The following PCLO variants were observed in gnomAD, a reference collection of about 807,000 sequenced individuals.
The protein encoded by PCLO is protein piccolo.
In PCLO, 82 loss-of-function variants were observed where a neutral mutation model predicts 427.5. That is an observed-to-expected ratio of 0.19 (90% CI 0.16 to 0.23). The LOEUF (loss-of-function observed/expected upper bound fraction) is 0.23. Among genes scored for constraint, PCLO ranks in the 10% least tolerant of loss-of-function variants. PCLO has a pLI of 1.00. For synonymous variants in PCLO, 2,357 were observed against 2,155.4 expected, an observed-to-expected ratio of 1.09 and a Z score of -2.59; for missense variants, 6,239 against 6,115.9, an observed-to-expected ratio of 1.02 and a Z score of -0.67.
At chr7:83,152,260 G>A (rs1221195026) in intron 2 of PCLO, among the ~76,000 whole-genome samples, 3 of 152,016 alleles carry the variant, frequency 2.0e-5, no homozygotes, top group African/African-American at 4.8e-5. Context: ...CACCACGCCC[G>A]GCCCAAAGTT....
chr7:82,766,298 T>C (rs893053682), intron 22 of PCLO, among the ~76,000 whole-genome samples: 1 of 152,106 alleles, frequency 6.6e-6, no homozygotes, highest in Admixed American at 6.6e-5. Context: ...AGGGGAAATA[T>C]GTAAAGCTTA....
chr7:82,866,746 G>A (rs1793104691), intron 10 of PCLO, among the ~76,000 whole-genome samples: 1 of 151,394 alleles, frequency 6.6e-6, no homozygotes, highest in African/African-American at 2.4e-5. Flanking sequence ...CTGCATTCTT[G>A]TAGGCTATTG....
At chr7:83,141,827 A>C (rs1231226551) in intron 2 of PCLO, among the ~76,000 whole-genome samples, 3 of 152,206 alleles carry the variant, frequency 2.0e-5, no homozygotes. Flanking sequence ...TGCCCTTTTC[A>C]AAATAAAGTA....
At chr7:82,891,749 C>A (rs1221166398) in intron 9 of PCLO, among the ~76,000 whole-genome samples, 2 of 151,962 alleles carry the variant, frequency 1.3e-5, no homozygotes, top group Admixed American at 1.3e-4. Flanking sequence ...TCATGAAGCG[C>A]TGTTGAATTT....
chr7:82,815,908 G>A (rs1054837197), intron 20 of PCLO, among the ~76,000 whole-genome samples: 5 of 151,984 alleles, frequency 3.3e-5, no homozygotes, highest in African/African-American at 1.2e-4. Context: ...ATAAAATGAT[G>A]GTTAGATCTA....
At position 83,096,921 on chromosome 7, in the gene PCLO, A is replaced by T. The variant is rs1323939124; in HGVS notation, c.3300+37329T>A. On this transcript the variant is annotated intron_variant, in intron 3 of 24. Coordinates refer to ENST00000333891, the MANE Select transcript of PCLO (RefSeq NM_033026.6). ...TTAATATTATATTATCTAAATATAT[A>T]TAATATAATATAATATATTATATAT... is the stretch of plus-strand genomic sequence containing the variant. 4.1e-3 allele frequency among the ~76,000 whole-genome samples: 244 copies of T among 59,666 alleles called. 20 individuals are homozygous for T. Among genetic ancestry groups the T allele is most frequent in the Non-Finnish European group, 5.0e-3 (180 of 36,156 alleles). 39.1% of individuals were successfully genotyped at this position (59,666 alleles called of 152,430 possible).
intron 16 of PCLO, among the ~76,000 whole-genome samples, chr7:82,830,571 C>T (rs1045239906): frequency 6.6e-6 from 1 of 151,870 alleles, no homozygotes; most frequent in African/African-American, 2.4e-5. Flanking sequence ...GAAACAAACA[C>T]ATGGTAGTAT....
chr7:83,136,347 G>T (rs1197350509), intron 2 of PCLO, among the ~76,000 whole-genome samples: 1 of 151,780 alleles, frequency 6.6e-6, no homozygotes, highest in Non-Finnish European at 1.5e-5. Context: ...ATTATACATG[G>T]TTTTCTGTTT....
At chr7:82,812,570 GA>G (rs1278511885) in intron 20 of PCLO, among the ~76,000 whole-genome samples, 2 of 151,364 alleles carry the variant, frequency 1.3e-5, no homozygotes, top group East Asian at 3.9e-4. Context: ...TGAAAATTAA[GA>G]AAGTAAATTC....
At position 82,951,376 on chromosome 7, in the gene PCLO, G is replaced by A; in HGVS notation, c.9212C>T (p.Pro3071Leu). The A allele has an allele frequency of 3.7e-6, 6 of 1,604,732 alleles. No homozygotes were observed. The highest frequency in any genetic ancestry group is 5.1e-6 in the Non-Finnish European group (6 of 1,175,174). Residue 3071 changes from proline (P) to leucine (L), a missense_variant, in exon 6 of 25, where the codon CCA (proline) becomes CTA (leucine). By Grantham distance (98) the Pro-to-Leu change is moderately conservative. This residue lies in a region of PCLO where 4,677 missense variants were observed against 4,468.4 expected (regional missense o/e 1.05). Transcript: ENST00000333891. ...CCCCACACAATACTGGGGTCCTGGT[G>A]GTGGTGTCATTCTTGCTGTGGAATA... The part of the protein sequence containing the change: ...PQYSTARMTP[P>L]PGPQYCVGSV...
At chr7:82,771,334 T>G (rs547450847) in intron 22 of PCLO, among the ~76,000 whole-genome samples, 53 of 152,008 alleles carry the variant, frequency 3.5e-4, no homozygotes, top group Non-Finnish European at 6.9e-4. Context: ...ATAGAATTTG[T>G]TAAGTTCTTT....
chr7:82,784,635 G>C (rs1583971476), intron 22 of PCLO, among the ~76,000 whole-genome samples: 1 of 152,076 alleles, frequency 6.6e-6, no homozygotes, highest in Middle Eastern at 3.4e-3. Flanking sequence ...CCAACCAAAG[G>C]CAACCAGTCT....
intron 3 of PCLO, among the ~76,000 whole-genome samples, chr7:83,040,489 A>T (rs1788946870): frequency 6.6e-6 from 1 of 152,102 alleles, no homozygotes; most frequent in Admixed American, 6.6e-5. Context: ...AGGCTAATCT[A>T]TTCGAATTTG....
At position 82,953,196 on chromosome 7, in the gene PCLO, G is replaced by A. The variant is rs1562879433; in HGVS notation, c.7757C>T (p.Pro2586Leu). Residue 2586 changes from proline to leucine, a missense_variant, in exon 5 of 25, where the codon CCA becomes CTA. Physicochemically the swap from Pro to Leu is moderately conservative, Grantham distance 98. Around this residue, in one of 5 missense-constraint regions of PCLO, gnomAD observed 4,677 missense variants for 4,468.4 expected, o/e 1.05. Coordinates refer to ENST00000333891, the MANE Select transcript of PCLO (RefSeq NM_033026.6). Reference protein sequence around the residue: ...LTETYVVITLPSEPGTPTDSS... With the variant: ...LTETYVVITLLSEPGTPTDSS... ...ATCTGTTGGAGTCCCTGGTTCAGAT[G>A]GCAATGTAATAACTACATAAGTTTC... 2 of 1,613,924 alleles carry A rather than the reference G, an allele frequency of 1.2e-6. No homozygotes were observed. The highest frequency in any genetic ancestry group is 2.2e-5 in the East Asian group (1 of 44,868).
In PCLO at chr7:82,754,379, A is replaced by G. The variant is rs1790274767; in HGVS notation, c.*4196T>C. ...TTATTTCAAAATCAGTTTTATTAAG[A>G]TGTTTATGTTTTCAGACAAGAAAAT... On this transcript the variant is annotated 3_prime_UTR_variant, in exon 25 of 25. Coordinates refer to ENST00000333891, the MANE Select transcript of PCLO (RefSeq NM_033026.6). The G allele has an allele frequency of 6.6e-6, 1 of 152,118 alleles. No homozygotes were observed. The highest frequency in any genetic ancestry group is 1.5e-5 in the Non-Finnish European group (1 of 67,968). The allele number at this position is 152,118 out of a possible 1,614,324, so 9.4% of individuals were successfully genotyped here. A position where few individuals can be genotyped will look rare whatever the true frequency, so the allele number is the denominator to read the frequency against.
chr7:82,834,544 T>G (rs909958468), intron 16 of PCLO, among the ~76,000 whole-genome samples: 2 of 152,190 alleles, frequency 1.3e-5, no homozygotes, highest in Non-Finnish European at 2.9e-5. Flanking sequence ...TATGTGAAAT[T>G]TTAATGTCAT....
chr7:83,030,203 C>G lies in PCLO; in HGVS notation c.3301-63716G>C, dbSNP rs575851457. On this transcript the variant is annotated intron_variant, in intron 3 of 24. Transcript: ENST00000333891. Reference sequence around the variant, plus strand: ...TGGAGGGAGAGAGACATTTAAAACTCTAATAAAATTTGATAAGTCCAACAG... The same window carrying G: ...TGGAGGGAGAGAGACATTTAAAACTGTAATAAAATTTGATAAGTCCAACAG... 1.4e-3 allele frequency among the ~76,000 whole-genome samples: 204 copies of G among 151,002 alleles called. 2 individuals carry two copies. Among genetic ancestry groups the G allele is most frequent in the Admixed American group, 4.2e-3 (64 of 15,164 alleles).
intron 2 of PCLO, among the ~76,000 whole-genome samples, chr7:83,142,475 A>T (rs1358425244): frequency 6.6e-6 from 1 of 152,168 alleles, no homozygotes; most frequent in Non-Finnish European, 1.5e-5. Flanking sequence ...AATGCTATCC[A>T]TCTTTTACAA....
intron 14 of PCLO, among the ~76,000 whole-genome samples, 161 bp downstream of exon 14, chr7:82,841,298 T>G (rs1016719624): frequency 2.0e-5 from 3 of 152,108 alleles, no homozygotes; most frequent in Admixed American, 1.3e-4. Flanking sequence ...AACATATATT[T>G]GTATTAATAT....
Sources: gnomAD v4.1 joint callset for allele counts (sites outside exome capture counted in the v4.1 genomes callset) on GRCh38, gnomAD v4.1.1 for gene constraint, gnomAD v4.1.1 regional missense constraint, MANE v1.5 for transcripts, NCBI Gene and HGNC (gene_info 2026-07-23, HGNC 2026-07-21) for gene names.